USP49: variants seen among roughly 807,000 people sequenced by gnomAD.
USP49 encodes ubiquitin specific peptidase 49.
USP49 carries 24 observed loss-of-function variants against 58.6 expected under a neutral mutation model. The ratio of observed to expected loss-of-function variants is 0.41; its 90% CI spans 0.30 to 0.58. The LOEUF (loss-of-function observed/expected upper bound fraction) is 0.58, where lower values mean the gene tolerates loss of function less well. Ranked by LOEUF, USP49 falls within the 20% of genes least tolerant of loss-of-function variation. USP49 has a pLI of 0.30. For synonymous variants in USP49, 408 were observed against 365.1 expected, an observed-to-expected ratio of 1.12 and a Z score of -1.34; for missense variants, 703 against 866.1, an observed-to-expected ratio of 0.81 and a Z score of 2.36.
At chr6:41,888,380 A>C (rs1255452652) in intron 2 of USP49, among the ~76,000 whole-genome samples, 2 of 151,918 alleles carry the variant, frequency 1.3e-5, no homozygotes, top group African/African-American at 4.8e-5. Context: ...ACAAGGAGCT[A>C]TATTTCACAG....
rs1195589634 is a variant in USP49, at chr6:41,796,484, T to A, written c.*49A>T. On this transcript the variant is annotated 3_prime_UTR_variant, in exon 8 of 8. Coordinates refer to ENST00000682992, the MANE Select transcript of USP49 (RefSeq NM_001286554.2). ...GCCTTATTTCCTATAAGAGGAAAGA[T>A]GTATGGACACCAATACACAAAAGCC... The A allele has an allele frequency of 2.8e-6, 2 of 706,006 alleles. No individual in the cohort carries two copies. The highest frequency in any genetic ancestry group is 5.3e-6 in the Non-Finnish European group (2 of 379,224). The allele number at this position is 706,006 out of a possible 1,614,324, so 43.7% of individuals were successfully genotyped here.
chr6:41,794,040 A>C lies in USP49; in HGVS notation c.*2493T>G, dbSNP rs2127314196. The C allele has an allele frequency of 6.6e-6, 1 of 152,306 alleles. No individual in the cohort carries two copies. The highest frequency in any genetic ancestry group is 1.9e-4 in the East Asian group (1 of 5,190). The allele number at this position is 152,306 out of a possible 1,614,324, so 9.4% of individuals were successfully genotyped here. A position where few individuals can be genotyped will look rare whatever the true frequency, so the allele number is the denominator to read the frequency against. ...TTCATCTATACCCAGTACGTAAATAAATTAAAGGCAAAGGGACATTTCCCT... is the reference window on the plus strand; with the variant it reads ...TTCATCTATACCCAGTACGTAAATACATTAAAGGCAAAGGGACATTTCCCT... On this transcript the variant is annotated 3_prime_UTR_variant, in exon 8 of 8. Coordinates refer to ENST00000682992, the MANE Select transcript of USP49 (RefSeq NM_001286554.2).
chr6:41,878,594 T>C (rs1031826496), intron 2 of USP49, among the ~76,000 whole-genome samples: 34 of 152,218 alleles, frequency 2.2e-4, no homozygotes, highest in African/African-American at 8.2e-4. Context: ...GCTTCTTATA[T>C]GTCCCACATA....
chr6:41,813,073 C>T (rs1253398148), intron 3 of USP49, among the ~76,000 whole-genome samples: 3 of 152,286 alleles, frequency 2.0e-5, no homozygotes, highest in Admixed American at 1.3e-4. Flanking sequence ...GCTAGTGAGA[C>T]TAAGGGACTG....
At chr6:41,845,520 CAA>C (rs879844761) in intron 3 of USP49, among the ~76,000 whole-genome samples, 1 of 139,712 alleles carries the variant, frequency 7.2e-6, no homozygotes. Flanking sequence ...AACTCCATCT[CAA>C]AAAAAAAAAG....
intron 3 of USP49, among the ~76,000 whole-genome samples, chr6:41,857,239 A>C (rs1268222765): frequency 6.6e-6 from 1 of 152,250 alleles, no homozygotes; most frequent in Non-Finnish European, 1.5e-5. Flanking sequence ...CTACCTAAAA[A>C]ATAAAACTGG....
At chr6:41,842,869 C>T (rs1326290311) in intron 3 of USP49, among the ~76,000 whole-genome samples, 4 of 149,234 alleles carry the variant, frequency 2.7e-5, no homozygotes, top group Non-Finnish European at 4.4e-5. Flanking sequence ...TATATGAAAA[C>T]TATATATTAT....
chr6:41,839,559 T>A, intron 3 of USP49, among the ~76,000 whole-genome samples: 1 of 136,510 alleles, frequency 7.3e-6, no homozygotes, highest in East Asian at 2.1e-4. Flanking sequence ...TAAAATAAAT[T>A]GAAACAAAAA....
chr6:41,890,440 C>T (rs145260956), intron 2 of USP49, among the ~76,000 whole-genome samples: 431 of 151,400 alleles, frequency 2.8e-3, no homozygotes, highest in South Asian at 0.013. Context: ...AGGCCAGGCG[C>T]GGTGGCTCAC....
At chr6:41,848,576 T>G (rs1000710458) in intron 3 of USP49, among the ~76,000 whole-genome samples, 2 of 151,940 alleles carry the variant, frequency 1.3e-5, no homozygotes, top group African/African-American at 2.4e-5. Context: ...GGGTCTTCCC[T>G]GGCCGGGTGC....
chr6:41,876,917 TA>T (rs1042381391), intron 2 of USP49, among the ~76,000 whole-genome samples: 2 of 152,214 alleles, frequency 1.3e-5, no homozygotes, highest in Admixed American at 6.5e-5. Context: ...GGAAGAGAAC[TA>T]AATAAACTAG....
chr6:41,857,614 G>A (rs1338321644), intron 3 of USP49, among the ~76,000 whole-genome samples: 1 of 152,196 alleles, frequency 6.6e-6, no homozygotes, highest in Non-Finnish European at 1.5e-5. Context: ...CTGGGCAACA[G>A]AGTGAGACCC....
Position 41,790,079 on chromosome 6 carries a change from AC to A in USP49, c.*6453del, listed in dbSNP as rs1772769020. ...GGGAAAAAAAAAAAAGGAAGCTGTA[AC>A]CATACATTGATGTTAACCTAGCATG... On this transcript the variant is annotated 3_prime_UTR_variant, in exon 8 of 8. Coordinates refer to ENST00000682992, the MANE Select transcript of USP49 (RefSeq NM_001286554.2). 3 of 152,168 alleles carry A rather than the reference AC, an allele frequency of 2.0e-5. No individual in the cohort carries two copies. Among genetic ancestry groups the A allele is most frequent in the Non-Finnish European group, 4.4e-5 (3 of 68,040 alleles). The allele number at this position is 152,168 out of a possible 1,614,324, so 9.4% of individuals were successfully genotyped here.
chr6:41,891,553 T>C (rs963586876), intron 2 of USP49, among the ~76,000 whole-genome samples: 1 of 152,204 alleles, frequency 6.6e-6, no homozygotes. Context: ...TGGCTACTAT[T>C]ATTAAGTTTA....
intron 2 of USP49, among the ~76,000 whole-genome samples, chr6:41,884,634 T>G (rs191733233): frequency 9.7e-4 from 147 of 152,184 alleles, no homozygotes; most frequent in Non-Finnish European, 1.3e-3. Context: ...ATTATGGGAG[T>G]AGGAAGTCCA....
chr6:41,832,882 G>GT (rs1261507107), intron 3 of USP49: 1 of 152,168 alleles, frequency 6.6e-6, no homozygotes, highest in Admixed American at 6.5e-5. Context: ...GCACTCAGTA[G>GT]TTTATTCCTG....
rs146399907 is a variant in USP49, at chr6:41,806,647, G to T, written c.337C>A (p.Arg113Ser). The change falls in exon 4 of 8, where the codon CGT becomes AGT. Residue 113 changes from arginine to serine, a missense_variant. Arg to Ser is a moderately radical substitution (Grantham distance 110). Coordinates refer to ENST00000682992, the MANE Select transcript of USP49 (RefSeq NM_001286554.2). This position sits in a 1 kb window ranked among gnomAD's most constrained non-coding sequence, Gnocchi z 5.9. ...RGQKQDTPVR[R>S]GRTLRSMASG... is the part of the protein sequence containing the mutation. The stretch of plus-strand genomic sequence containing the variant: ...GCCATGGACCGCAGCGTCCGCCCAC[G>T]TCTCACCGGCGTGTCCTGTTTCTGG... 2.1e-4 allele frequency: 336 copies of T among 1,613,598 alleles called. 2 individuals carry two copies. Among genetic ancestry groups the T allele is most frequent in the South Asian group, 4.0e-4 (36 of 91,082 alleles).
Position 41,796,559 on chromosome 6 carries a change from C to G in USP49, c.2041G>C (p.Glu681Gln), listed in dbSNP as rs774907101. ...CAGGAAAATGTCTGTGGTCTGCCTT[C>G]ATCATTGTTGCTGGACTGCACCTGA... ...QAQVQSSNND[E>Q]GRPQTFS Residue 681 changes from glutamate (E) to glutamine (Q), a missense_variant, in exon 8 of 8, where the codon GAA becomes CAA. Transcript: ENST00000682992. 1 of 717,468 alleles carries G rather than the reference C, an allele frequency of 1.4e-6. No individual in the cohort carries two copies. Among genetic ancestry groups the G allele is most frequent in the South Asian group, 1.5e-5 (1 of 67,606 alleles). 44.4% of individuals were successfully genotyped at this position (717,468 alleles called of 1,614,324 possible). A position where few individuals can be genotyped will look rare whatever the true frequency, so the allele number is the denominator to read the frequency against.
At chr6:41,880,690 A>G (rs1774588764) in intron 2 of USP49, among the ~76,000 whole-genome samples, 1 of 152,206 alleles carries the variant, frequency 6.6e-6, no homozygotes, top group African/African-American at 2.4e-5. Context: ...ATATTTTCAT[A>G]TATGCAGATT....
Sources: gnomAD v4.1 joint callset for allele counts (sites outside exome capture counted in the v4.1 genomes callset) on GRCh38, gnomAD v4.1.1 for gene constraint, Gnocchi (gnomAD v3.1) non-coding constraint, MANE v1.5 for transcripts, NCBI Gene and HGNC (gene_info 2026-07-23, HGNC 2026-07-21) for gene names.